The following PXDNL variants were observed in gnomAD, a reference collection of about 807,000 sequenced individuals.
PXDNL encodes probable oxidoreductase PXDNL.
PXDNL carries 145 observed loss-of-function variants against 150.8 expected under a neutral mutation model. The observed-to-expected ratio is 0.96, with a 90% CI of 0.84 to 1.10. PXDNL has a LOEUF of 1.10. Among genes scored for constraint, PXDNL ranks in the 50% least tolerant of loss-of-function variants. The probability of loss-of-function intolerance (pLI) is 0.00; values close to 1 mark genes in which losing one functional copy is unlikely to be tolerated. For missense variants in PXDNL, 2,087 were observed against 1,873.9 expected (o/e 1.11, Z -2.10); for synonymous variants, 757 against 725.7 (o/e 1.04, Z -0.69).
chr8:51,761,205 A>T (rs1447463191), intron 1 of PXDNL, among the ~76,000 whole-genome samples: 1 of 151,772 alleles, frequency 6.6e-6, no homozygotes, highest in Non-Finnish European at 1.5e-5. Context: ...TATCTCCTTG[A>T]ACTGAATGAG....
intron 2 of PXDNL, among the ~76,000 whole-genome samples, chr8:51,611,670 A>G (rs1814004602): frequency 6.6e-6 from 1 of 152,188 alleles, no homozygotes; most frequent in Admixed American, 6.5e-5. Flanking sequence ...GTTTCCCAGG[A>G]GGGAGCACGG....
At chr8:51,576,486 TACA>T (rs1438186757) in intron 3 of PXDNL, among the ~76,000 whole-genome samples, 1 of 151,192 alleles carries the variant, frequency 6.6e-6, no homozygotes, top group Non-Finnish European at 1.5e-5. Flanking sequence ...AAAGTGAAAA[TACA>T]ACATCAAAAA....
At chr8:51,554,523 G>C (rs4873563) in intron 4 of PXDNL, among the ~76,000 whole-genome samples, 1 of 151,960 alleles carries the variant, frequency 6.6e-6, no homozygotes, top group Non-Finnish European at 1.5e-5. Context: ...TAATTATAAA[G>C]GTCATCTTTA....
chr8:51,742,472 G>A (rs1196154237), intron 1 of PXDNL, among the ~76,000 whole-genome samples: 1 of 151,906 alleles, frequency 6.6e-6, no homozygotes, highest in African/African-American at 2.4e-5. Context: ...CTATAGTTTT[G>A]TAGGACGTTA....
chr8:51,447,987 C>G (rs879593717), intron 11 of PXDNL, among the ~76,000 whole-genome samples: 3 of 152,204 alleles, frequency 2.0e-5, no homozygotes, highest in Non-Finnish European at 4.4e-5. Flanking sequence ...ACATGATAAG[C>G]AAATGGAGGA....
rs756415133 is a variant in PXDNL at position 51,339,746 on chromosome 8, CTTG to C, written c.4021_4023del (p.Gln1341del). On this transcript the variant is annotated inframe_deletion, in exon 21 of 23. Coordinates refer to ENST00000356297, the MANE Select transcript of PXDNL (RefSeq NM_144651.5). Reference sequence around the variant, plus strand: ...GCATCTTCACCCACATATATTTTATCTTGTTGCCTATTTATAACAAGAAGCAAA... The same window carrying C: ...GCATCTTCACCCACATATATTTTATCTTGCCTATTTATAACAAGAAGCAAA... 6.3e-7 allele frequency: 1 copy of C among 1,595,378 alleles called. No individual in the cohort carries two copies. The highest frequency in any genetic ancestry group is 1.8e-5 in the Admixed American group (1 of 55,018).
intron 2 of PXDNL, among the ~76,000 whole-genome samples, chr8:51,627,703 C>G (rs1022215484): frequency 6.6e-6 from 1 of 152,154 alleles, no homozygotes; most frequent in African/African-American, 2.4e-5. Context: ...AAAAAGACAG[C>G]TTATAAATTG....
intron 17 of PXDNL, among the ~76,000 whole-genome samples, chr8:51,398,899 T>C (rs868412337): frequency 1.5e-4 from 23 of 152,208 alleles, no homozygotes; most frequent in African/African-American, 5.1e-4. Flanking sequence ...TATGCTCTTA[T>C]TGAATTAACA....
In PXDNL at chr8:51,781,578, T is replaced by C. The variant is rs146118621; in HGVS notation, c.164+27603A>G. 1.3e-3 allele frequency among the ~76,000 whole-genome samples: 201 copies of C among 152,308 alleles called. 1 individual carries two copies. Among genetic ancestry groups the C allele is most frequent in the African/African-American group, 4.6e-3 (191 of 41,582 alleles). ...ACAATTTTTCTGATTTTTACTTTCTTCTACTCATAACCTTCCTTTTAGTGG... is the reference window on the plus strand; with the variant it reads ...ACAATTTTTCTGATTTTTACTTTCTCCTACTCATAACCTTCCTTTTAGTGG... On this transcript the variant is annotated intron_variant, in intron 1 of 22. Coordinates refer to ENST00000356297, the MANE Select transcript of PXDNL (RefSeq NM_144651.5).
At chr8:51,321,084 A>C (rs1805300451) in intron 21 of PXDNL, 187 bp from the exon 22 acceptor site, 1 of 548,680 alleles carries the variant, frequency 1.8e-6, no homozygotes, top group Non-Finnish European at 3.2e-6. Flanking sequence ...TCCAGTATCC[A>C]AACAAATAAA....
chr8:51,542,955 G>C (rs559366644), intron 4 of PXDNL, among the ~76,000 whole-genome samples: 2 of 152,204 alleles, frequency 1.3e-5, no homozygotes, highest in Admixed American at 6.5e-5. Flanking sequence ...TTTAAAGTTA[G>C]CTCTGTCAGA....
At chr8:51,602,993 C>T (rs952841619) in intron 2 of PXDNL, among the ~76,000 whole-genome samples, 10 of 151,504 alleles carry the variant, frequency 6.6e-5, no homozygotes, top group Non-Finnish European at 1.3e-4. Context: ...GCTTTAATCT[C>T]TGAATCATCT....
chr8:51,402,968 T>C (rs1216489101), intron 17 of PXDNL, among the ~76,000 whole-genome samples: 3 of 150,862 alleles, frequency 2.0e-5, no homozygotes, highest in East Asian at 2.0e-4. Context: ...CCGGCGCCTA[T>C]AGTCCCAGCT....
chr8:51,716,213 C>T (rs1816613292), intron 1 of PXDNL, among the ~76,000 whole-genome samples: 1 of 152,236 alleles, frequency 6.6e-6, no homozygotes, highest in Non-Finnish European at 1.5e-5. Flanking sequence ...TGGCAAGATC[C>T]TAATGAACAA....
chr8:51,730,474 C>A (rs1816897682), intron 1 of PXDNL, among the ~76,000 whole-genome samples: 1 of 152,126 alleles, frequency 6.6e-6, no homozygotes, highest in African/African-American at 2.4e-5. Flanking sequence ...CCCAAGTAAT[C>A]TCTGAACAGT....
At chr8:51,625,360 C>A (rs1814342692) in intron 2 of PXDNL, among the ~76,000 whole-genome samples, 1 of 152,176 alleles carries the variant, frequency 6.6e-6, no homozygotes. Flanking sequence ...TTCTAAACAT[C>A]ACCACCATCA....
intron 4 of PXDNL, among the ~76,000 whole-genome samples, chr8:51,527,531 C>T (rs1811796242): frequency 6.6e-6 from 1 of 152,202 alleles, no homozygotes; most frequent in South Asian, 2.1e-4. Context: ...ATTTGTTCTA[C>T]AACAACCCTG....
chr8:51,710,279 G>A (rs945602786), intron 1 of PXDNL, among the ~76,000 whole-genome samples: 48 of 152,126 alleles, frequency 3.2e-4, no homozygotes, highest in Non-Finnish European at 1.0e-4. Context: ...AAGTGAACAT[G>A]AAATTGTCTC....
intron 4 of PXDNL, among the ~76,000 whole-genome samples, chr8:51,525,742 G>A (rs10109203): frequency 0.49 from 75,266 of 152,194 alleles, 21,771 homozygotes; most frequent in Non-Finnish European, 0.64. Flanking sequence ...CCTGAGCACT[G>A]AAGGAACCAG....
Sources: gnomAD v4.1 joint callset for allele counts (sites outside exome capture counted in the v4.1 genomes callset) on GRCh38, gnomAD v4.1.1 for gene constraint, MANE v1.5 for transcripts, NCBI Gene and HGNC (gene_info 2026-07-23, HGNC 2026-07-21) for gene names.